Variants in PARP8 observed in about 807,000 individuals in gnomAD.
PARP8 encodes poly(ADP-ribose) polymerase family member 8, also known as protein mono-ADP-ribosyltransferase PARP8.
In PARP8, 51 loss-of-function variants were observed where a neutral mutation model predicts 124.1. The observed-to-expected ratio is 0.41, with a 90% confidence interval of 0.33 to 0.52. The LOEUF is 0.52. Ranked by LOEUF, PARP8 falls within the 20% of genes least tolerant of loss-of-function variation. The pLI, the probability that PARP8 is intolerant of heterozygous loss-of-function variation, is 0.21. For synonymous variants in PARP8, 391 were observed against 361.5 expected, an observed-to-expected ratio of 1.08 and a Z score of -0.93; for missense variants, 860 against 1,018.9, an observed-to-expected ratio of 0.84 and a Z score of 2.12.
chr5:50,832,749 T>A, intron 22 of PARP8, 32 bp from the exon 23 acceptor site: 2 of 1,608,284 alleles, frequency 1.2e-6, no homozygotes. Flanking sequence ...GACAGCTTTG[T>A]CCCTAAATTA....
intron 2 of PARP8, among the ~76,000 whole-genome samples, chr5:50,739,798 C>T (rs947081477): frequency 3.0e-5 from 4 of 134,538 alleles, no homozygotes; most frequent in Admixed American, 2.6e-4. Context: ...TGAGGTGGCA[C>T]GATCTTGGAT....
At chr5:50,740,819 A>G (rs1297090725) in intron 2 of PARP8, among the ~76,000 whole-genome samples, 3 of 75,080 alleles carry the variant, frequency 4.0e-5, no homozygotes, top group Non-Finnish European at 8.1e-5. Context: ...TCTCAAAAGA[A>G]AAAAAAAAAA....
intron 2 of PARP8, among the ~76,000 whole-genome samples, chr5:50,713,501 A>G (rs1157837636): frequency 6.6e-6 from 1 of 152,042 alleles, no homozygotes; most frequent in East Asian, 1.9e-4. Context: ...TGTGCCTCCC[A>G]TAGTGCTGGG....
intron 7 of PARP8, among the ~76,000 whole-genome samples, chr5:50,776,716 A>G (rs991995430): frequency 2.0e-5 from 3 of 152,160 alleles, no homozygotes; most frequent in Non-Finnish European, 4.4e-5. Context: ...GATCCCCTAG[A>G]TTCCTTTATT....
At chr5:50,831,274 G>A (rs538074596) in intron 22 of PARP8, among the ~76,000 whole-genome samples, 3 of 151,992 alleles carry the variant, frequency 2.0e-5, no homozygotes, top group African/African-American at 4.8e-5. Flanking sequence ...GCTTCATTAC[G>A]CTCATAGATT....
At chr5:50,753,827 G>A (rs977339876) in intron 3 of PARP8, among the ~76,000 whole-genome samples, 1 of 151,782 alleles carries the variant, frequency 6.6e-6, no homozygotes, top group African/African-American at 2.4e-5. Context: ...AAATGGTGCT[G>A]TATTTGGAGC....
chr5:50,748,044 A>G (rs142017112), intron 2 of PARP8, among the ~76,000 whole-genome samples: 1 of 151,952 alleles, frequency 6.6e-6, no homozygotes, highest in East Asian at 1.9e-4. Flanking sequence ...GAAGTTATTG[A>G]TATGATTAGA....
At chr5:50,713,536 C>G (rs902274113) in intron 2 of PARP8, among the ~76,000 whole-genome samples, 3 of 151,964 alleles carry the variant, frequency 2.0e-5, no homozygotes, top group African/African-American at 7.3e-5. Context: ...CCATCACACC[C>G]AGCTATTATT....
At chr5:50,694,061 T>C (rs1333072117) in intron 2 of PARP8, among the ~76,000 whole-genome samples, 1 of 152,198 alleles carries the variant, frequency 6.6e-6, no homozygotes, top group Non-Finnish European at 1.5e-5. Context: ...ACACCCTCTT[T>C]CTGTACCATT....
chr5:50,833,194 ATAT>A (rs553504777), intron 23 of PARP8, among the ~76,000 whole-genome samples: 689 of 152,266 alleles, frequency 4.5e-3, no homozygotes, highest in Middle Eastern at 0.014. Context: ...AGAATGCTAG[ATAT>A]TATGAAGAAA....
chr5:50,778,004 C>T (rs1244269767), intron 7 of PARP8, 65 bp from the exon 8 acceptor site: 11 of 1,206,790 alleles, frequency 9.1e-6, no homozygotes, highest in Middle Eastern at 1.9e-4. Context: ...AATAAAATAA[C>T]CTAACACACA....
At chr5:50,673,205 G>T (rs1420087628) in intron 2 of PARP8, among the ~76,000 whole-genome samples, 2 of 152,284 alleles carry the variant, frequency 1.3e-5, no homozygotes, top group South Asian at 2.1e-4. Context: ...GAATGAGTTA[G>T]TGAGAATCTG....
rs545195932 is a variant in PARP8 at position 50,796,711 on chromosome 5, G to A, written c.1429-271G>A. Among the ~76,000 whole-genome samples, 11 of 152,316 alleles carry A rather than the reference G, an allele frequency of 7.2e-5. No individual in the cohort carries two copies. In the East Asian group the frequency reaches 9.6e-4, roughly 13 times the overall value. ...CAGACAAATGAGTTTTTGTGATCAT[G>A]TAAAGATGCCAGTAATTTTTGCTAG... is the stretch of plus-strand genomic sequence containing the variant. On this transcript the variant is annotated intron_variant, in intron 12 of 25. Transcript: ENST00000281631.
intron 2 of PARP8, among the ~76,000 whole-genome samples, chr5:50,702,089 C>A (rs1481112843): frequency 2.0e-5 from 3 of 152,006 alleles, no homozygotes; most frequent in African/African-American, 4.8e-5. Flanking sequence ...AAAATGTATT[C>A]CTATTTACTT....
intron 9 of PARP8, among the ~76,000 whole-genome samples, chr5:50,781,858 A>C (rs551403007): frequency 6.6e-6 from 1 of 152,116 alleles, no homozygotes; most frequent in Non-Finnish European, 1.5e-5. Context: ...GGAAACTAGA[A>C]CTTTCCCTGG....
At chr5:50,701,399 C>T (rs1753578240) in intron 2 of PARP8, among the ~76,000 whole-genome samples, 1 of 152,032 alleles carries the variant, frequency 6.6e-6, no homozygotes, top group South Asian at 2.1e-4. Context: ...TATGCTTTGG[C>T]ATAGTGAATT....
intron 2 of PARP8, among the ~76,000 whole-genome samples, chr5:50,738,157 A>C (rs955140579): frequency 6.6e-6 from 1 of 152,224 alleles, no homozygotes; most frequent in African/African-American, 2.4e-5. Flanking sequence ...GGCTTTCCAA[A>C]TGTAGCTTTA....
At chr5:50,744,843 T>G in intron 2 of PARP8, 1 of 685,262 alleles carries the variant, frequency 1.5e-6, no homozygotes, top group Non-Finnish European at 2.6e-6. Flanking sequence ...CCACCTTCTT[T>G]CACTTTCACT....
At chr5:50,696,019 C>T (rs1433741233) in intron 2 of PARP8, among the ~76,000 whole-genome samples, 2 of 152,082 alleles carry the variant, frequency 1.3e-5, no homozygotes, top group African/African-American at 2.4e-5. Context: ...TAAATCTGTA[C>T]ACCAGCACTG....
Sources: gnomAD v4.1 joint callset for allele counts (sites outside exome capture counted in the v4.1 genomes callset) on GRCh38, gnomAD v4.1.1 for gene constraint, MANE v1.5 for transcripts, NCBI Gene and HGNC (gene_info 2026-07-23, HGNC 2026-07-21) for gene names.